The following BPIFC variants were observed in gnomAD, a reference collection of about 807,000 sequenced individuals.
The protein encoded by BPIFC is BPI fold containing family C.
A neutral mutation model predicts 57.6 loss-of-function variants in BPIFC; 60 were observed. The ratio of observed to expected loss-of-function variants is 1.04; its 90% CI spans 0.85 to 1.29. BPIFC has a LOEUF of 1.29. Ranked by LOEUF, BPIFC falls within the 50% of genes most tolerant of loss-of-function variation. The pLI is 0.00. For missense variants in BPIFC, 581 were observed against 600.5 expected (o/e 0.97, Z 0.34); for synonymous variants, 243 against 224.5 (o/e 1.08, Z -0.74).
intron 5 of BPIFC, among the ~76,000 whole-genome samples, 196 bp downstream of exon 5, chr22:32,447,016 A>G (rs991160013): frequency 6.6e-6 from 1 of 152,226 alleles, no homozygotes; most frequent in African/African-American, 2.4e-5. Flanking sequence ...TGCCTTTAAG[A>G]GAAGAATGTT....
chr22:32,427,285 C>T (rs1451728245), intron 13 of BPIFC, among the ~76,000 whole-genome samples: 2 of 152,168 alleles, frequency 1.3e-5, no homozygotes, highest in Non-Finnish European at 2.9e-5. Flanking sequence ...AGAGATAAGG[C>T]TCAGTTTGAT....
chr22:32,446,027 C>T (rs749892426), intron 5 of BPIFC, 31 bp from the exon 6 acceptor site: 3 of 1,609,664 alleles, frequency 1.9e-6, no homozygotes, highest in Non-Finnish European at 2.5e-6. Flanking sequence ...TTATCCAAGC[C>T]TGAGTCAGGC....
intron 3 of BPIFC, among the ~76,000 whole-genome samples, chr22:32,456,299 G>A (rs1792559356): frequency 6.6e-6 from 1 of 152,060 alleles, no homozygotes; most frequent in East Asian, 1.9e-4. Flanking sequence ...TAACATTTGT[G>A]CAAGATGGCT....
intron 11 of BPIFC, 77 bp downstream of exon 11, chr22:32,433,642 G>T: frequency 1.5e-6 from 2 of 1,314,048 alleles, no homozygotes; most frequent in Non-Finnish European, 2.2e-6. Flanking sequence ...AAAGGAATAC[G>T]TAGAACCCAC....
chr22:32,447,901 G>A (rs777821639), intron 4 of BPIFC, among the ~76,000 whole-genome samples: 8 of 151,584 alleles, frequency 5.3e-5, no homozygotes, highest in Non-Finnish European at 7.4e-5. Flanking sequence ...GAGACACCTC[G>A]CCTGGCCTAG....
At chr22:32,463,682 G>T (rs541428295) in intron 1 of BPIFC, among the ~76,000 whole-genome samples, 3 of 152,138 alleles carry the variant, frequency 2.0e-5, no homozygotes, top group Non-Finnish European at 4.4e-5. Flanking sequence ...AAACTAGAAG[G>T]GTATTCCGAC....
chr22:32,443,991 T>G (rs2083730174), intron 7 of BPIFC, among the ~76,000 whole-genome samples: 1 of 152,220 alleles, frequency 6.6e-6, no homozygotes, highest in South Asian at 2.1e-4. Context: ...TAGCCGGGAT[T>G]TGAACTCAGT....
At chr22:32,459,193 T>G (rs1935106465) in intron 2 of BPIFC, among the ~76,000 whole-genome samples, 1 of 151,992 alleles carries the variant, frequency 6.6e-6, no homozygotes, top group Admixed American at 6.6e-5. Context: ...ATGAAACAAA[T>G]CAAGGAAGGC....
At chr22:32,464,028 C>T (rs1437475335) in intron 1 of BPIFC, among the ~76,000 whole-genome samples, 1 of 152,188 alleles carries the variant, frequency 6.6e-6, no homozygotes, top group Non-Finnish European at 1.5e-5. Context: ...TTTTCTGCCA[C>T]TGTGCTGGGT....
At chr22:32,443,022 T>C (rs1408632999) in intron 7 of BPIFC, among the ~76,000 whole-genome samples, 4 of 152,182 alleles carry the variant, frequency 2.6e-5, no homozygotes, top group Non-Finnish European at 4.4e-5. Flanking sequence ...TGATAGGGCA[T>C]GCGTCCCAGT....
At chr22:32,445,468 C>T (rs575422102) in intron 7 of BPIFC, among the ~76,000 whole-genome samples, 167 bp downstream of exon 7, 72 of 152,022 alleles carry the variant, frequency 4.7e-4, no homozygotes, top group African/African-American at 1.6e-3. Flanking sequence ...ACCCAGGAGG[C>T]GGAGCTTGCA....
chr22:32,438,100 G>C (rs573462478), intron 8 of BPIFC, among the ~76,000 whole-genome samples: 1 of 152,132 alleles, frequency 6.6e-6, no homozygotes, highest in African/African-American at 2.4e-5. Flanking sequence ...GGTGTGCAGT[G>C]GTCCCCCTTA....
intron 13 of BPIFC, among the ~76,000 whole-genome samples, chr22:32,429,965 T>C (rs1934193250): frequency 6.6e-6 from 1 of 152,202 alleles, no homozygotes; most frequent in Non-Finnish European, 1.5e-5. Flanking sequence ...CTATGCCGTC[T>C]AATCTTTCTG....
rs964783993 is a variant in BPIFC, at chr22:32,414,096, A to C, written c.*207T>G. ...ATAAACACAGACACACGCAGCATGC[A>C]TACACTCACATTCAGACACCTCTAT... On this transcript the variant is annotated 3_prime_UTR_variant, in exon 17 of 17. Coordinates refer to ENST00000300399, the MANE Select transcript of BPIFC (RefSeq NM_174932.3). 5.5e-5 allele frequency: 25 copies of C among 458,562 alleles called. No individual in the cohort carries two copies. The highest frequency in any genetic ancestry group is 8.3e-5 in the Non-Finnish European group (22 of 263,886). The allele number at this position is 458,562 out of a possible 1,614,324, so 28.4% of individuals were successfully genotyped here.
At chr22:32,459,403 C>T (rs992027106) in intron 2 of BPIFC, among the ~76,000 whole-genome samples, 2 of 152,260 alleles carry the variant, frequency 1.3e-5, no homozygotes, top group East Asian at 1.9e-4. Flanking sequence ...GTGGCTCATG[C>T]CTGTAATCCC....
chr22:32,436,076 T>C (rs1012345502), intron 9 of BPIFC, among the ~76,000 whole-genome samples, 196 bp from the exon 10 acceptor site: 2 of 152,110 alleles, frequency 1.3e-5, no homozygotes, highest in African/African-American at 4.8e-5. Context: ...TTGAATTGAT[T>C]GAATGACTGT....
intron 8 of BPIFC, among the ~76,000 whole-genome samples, chr22:32,439,473 T>C (rs967033073): frequency 4.6e-5 from 7 of 152,222 alleles, no homozygotes; most frequent in Admixed American, 4.6e-4. Context: ...ACCTACTCCC[T>C]GTTCTAGAGA....
At position 32,424,647 on chromosome 22, in the gene BPIFC, CTTCTTCTTCTTCTTCTTCT is replaced by C. The variant is rs1569447953; in HGVS notation, c.1218-5262_1218-5244del. 2.9e-4 allele frequency among the ~76,000 whole-genome samples: 13 copies of C among 44,692 alleles called. 2 individuals carry two copies. Among genetic ancestry groups the C allele is most frequent in the African/African-American group, 2.5e-3 (12 of 4,802 alleles). 29.3% of individuals were successfully genotyped at this position (44,692 alleles called of 152,430 possible). On this transcript the variant is annotated intron_variant, in intron 13 of 16. Coordinates refer to ENST00000300399, the MANE Select transcript of BPIFC (RefSeq NM_174932.3). ...CTCCTCCTCTTCTTCTTCTTCTCTT[CTTCTTCTTCTTCTTCTTCT>C]TCTTCTTCTTCTTCTTCTTCTTCTT...
intron 13 of BPIFC, among the ~76,000 whole-genome samples, chr22:32,429,352 G>T (rs1163562355): frequency 2.7e-5 from 4 of 150,506 alleles, no homozygotes; most frequent in Non-Finnish European, 5.9e-5. Context: ...AGCTACAGGC[G>T]CCCGCCACCA....
Sources: gnomAD v4.1 joint callset for allele counts (sites outside exome capture counted in the v4.1 genomes callset) on GRCh38, gnomAD v4.1.1 for gene constraint, MANE v1.5 for transcripts, NCBI Gene and HGNC (gene_info 2026-07-23, HGNC 2026-07-21) for gene names.